The following PHF6 variants were observed in gnomAD, a reference collection of about 807,000 sequenced individuals.
The protein encoded by PHF6 is PHD finger protein 6, also known as PHD-like zinc finger protein.
In PHF6, 7 loss-of-function variants were observed where a neutral mutation model predicts 34.0. The observed-to-expected ratio is 0.21, with a 90% confidence interval of 0.12 to 0.39. The LOEUF (loss-of-function observed/expected upper bound fraction) is 0.39, where lower values mean the gene tolerates loss of function less well. Among genes scored for constraint, PHF6 ranks in the 10% least tolerant of loss-of-function variants. The probability of loss-of-function intolerance (pLI) is 1.00; values close to 1 mark genes in which losing one functional copy is unlikely to be tolerated. For synonymous variants in PHF6, 89 were observed against 88.4 expected (o/e 1.01, Z -0.04); for missense variants, 128 against 262.8 (o/e 0.49, Z 3.55).
At chrX:134,380,149 C>CTTT (rs749900020) in intron 3 of PHF6, among the ~76,000 whole-genome samples, 1 of 96,321 alleles carries the variant, frequency 1.0e-5, no homozygotes, top group Non-Finnish European at 2.1e-5. Context: ...TTATTTGGAC[C>CTTT]TTTTTTTTTT....
intron 1 of PHF6, among the ~76,000 whole-genome samples, chrX:134,376,026 T>C (rs1434507514): frequency 2.7e-5 from 3 of 112,032 alleles, no homozygotes; most frequent in African/African-American, 9.7e-5. Context: ...AAATTATAGA[T>C]AGCATTAAGA....
chrX:134,408,088 C>T lies in PHF6; in HGVS notation c.419-5403C>T, dbSNP rs181748629. ...GATTGCAGGCATGTACCACCACACC[C>T]GGCTAATTTTTGTATTTTTAGTAGA... is the stretch of plus-strand genomic sequence containing the variant. On this transcript the variant is annotated intron_variant, in intron 5 of 10. Transcript: ENST00000370803. Among the ~76,000 whole-genome samples, 721 of 111,226 alleles carry T rather than the reference C, an allele frequency of 6.5e-3. 5 individuals are homozygous for T. Among genetic ancestry groups the T allele is most frequent in the Non-Finnish European group, 8.9e-3 (469 of 52,968 alleles).
chrX:134,388,374 T>C (rs2077340323), intron 3 of PHF6, among the ~76,000 whole-genome samples: 1 of 111,880 alleles, frequency 8.9e-6, no homozygotes, highest in African/African-American at 3.2e-5. Context: ...GCAAATATCC[T>C]CAGTACAGCG....
chrX:134,406,062 T>TTTTCTTTCTTTC (rs775639514), intron 5 of PHF6, among the ~76,000 whole-genome samples: 7,214 of 77,937 alleles, frequency 0.093, 429 homozygotes, highest in Non-Finnish European at 0.11. Context: ...TCCTTTTTCT[T>TTTTCTTTCTTTC]TTTCTTTCTT....
chrX:134,384,938 A>G (rs2077325388), intron 3 of PHF6, among the ~76,000 whole-genome samples: 1 of 111,803 alleles, frequency 8.9e-6, no homozygotes, highest in Non-Finnish European at 1.9e-5. Context: ...GGCGTGAGCC[A>G]CTGCGCCCAG....
chrX:134,407,913 G>T (rs2077432339), intron 5 of PHF6, among the ~76,000 whole-genome samples: 1 of 111,369 alleles, frequency 9.0e-6, no homozygotes, highest in South Asian at 3.9e-4. Flanking sequence ...GAAGTAGAAG[G>T]TGAAAGGAAG....
At position 134,413,609 on chromosome X, in the gene PHF6, C is replaced by T. The variant is rs776473521; in HGVS notation, c.537C>T (p.Thr179=). 1 of 1,211,021 alleles carries T rather than the reference C, an allele frequency of 8.3e-7. No homozygotes were observed. The highest frequency in any genetic ancestry group is 1.1e-6 in the Non-Finnish European group (1 of 895,118). Residue 179 remains threonine, a synonymous_variant, in exon 6 of 11, where the codon ACC becomes ACT. Transcript: ENST00000370803. ...KTNFKGLSED[T]RSTSSHGTDE... ...ATTTTAAAGGGCTGTCAGAAGATAC[C>T]AGGTCCACATCCTCCCATGGAACAG...
chrX:134,379,432 C>CTTTTTTTTTTTTTTTTTTTTTTTTTTT (rs34099570), intron 3 of PHF6, among the ~76,000 whole-genome samples: 2 of 26,276 alleles, frequency 7.6e-5, no homozygotes, highest in Non-Finnish European at 1.1e-4. Flanking sequence ...CTTTTCTTTT[C>CTTTTTTTTTTTTTTTTTTTTTTTTTTT]TTTTTTTTTT....
intron 3 of PHF6, among the ~76,000 whole-genome samples, chrX:134,379,885 T>G (rs1483844307): frequency 8.9e-6 from 1 of 112,239 alleles, no homozygotes; most frequent in Non-Finnish European, 1.9e-5. Flanking sequence ...AGAATGATAC[T>G]TACTTGAAAG....
chrX:134,383,005 G>A (rs1479551853), intron 3 of PHF6, among the ~76,000 whole-genome samples: 1 of 110,471 alleles, frequency 9.1e-6, no homozygotes, highest in African/African-American at 3.3e-5. Context: ...TGCTTTGGGA[G>A]GCCGACTGGG....
chrX:134,374,709 G>T (rs188215978), intron 1 of PHF6, among the ~76,000 whole-genome samples: 69 of 112,536 alleles, frequency 6.1e-4, no homozygotes, highest in African/African-American at 2.1e-3. Context: ...CTACCTTGGT[G>T]CTTCGCAGCA....
rs776651202 is a variant in PHF6, at chrX:134,422,844, A to G, written c.969-2357A>G. On this transcript the variant is annotated intron_variant, in intron 9 of 10. Coordinates refer to ENST00000370803, the MANE Select transcript of PHF6 (RefSeq NM_001015877.2). ...GAAGGCCATATAAGGGCCTATGGGA[A>G]ATATTCTGCAAGTAAAAAATAATCC... Among the ~76,000 whole-genome samples the G allele has an allele frequency of 1.3e-4, 14 of 111,658 alleles. No individual in the cohort carries two copies. The Admixed American group carries it at 1.3e-3, about 11-fold the overall frequency.
At chrX:134,393,813 A>G (rs926570749) in intron 4 of PHF6, 96 bp from the exon 5 acceptor site, 4 of 836,435 alleles carry the variant, frequency 4.8e-6, no homozygotes, top group Non-Finnish European at 7.1e-6. Context: ...GAATCCAGCT[A>G]GTGAATTGGG....
intron 9 of PHF6, among the ~76,000 whole-genome samples, chrX:134,421,563 T>A (rs897517229): frequency 1.8e-5 from 2 of 111,696 alleles, no homozygotes; most frequent in African/African-American, 6.5e-5. Flanking sequence ...TTTTAGATGA[T>A]TTTATTATAA....
chrX:134,425,155 C>T, intron 9 of PHF6, 46 bp from the exon 10 acceptor site: 1 of 1,200,765 alleles, frequency 8.3e-7, no homozygotes, highest in Non-Finnish European at 1.1e-6. Context: ...GAATGTTCAT[C>T]AGCAGTGACA....
At chrX:134,416,529 T>A (rs2077473070) in intron 8 of PHF6, among the ~76,000 whole-genome samples, 1 of 111,469 alleles carries the variant, frequency 9.0e-6, no homozygotes, top group Non-Finnish European at 1.9e-5. Flanking sequence ...TAGATTTCAA[T>A]AAACTTGAAA....
At chrX:134,381,099 T>C (rs1008811509) in intron 3 of PHF6, among the ~76,000 whole-genome samples, 2 of 111,331 alleles carry the variant, frequency 1.8e-5, no homozygotes, top group Non-Finnish European at 3.8e-5. Flanking sequence ...TGAGACCGTC[T>C]GTCCGCCTCG....
rs1412509106 is a variant in PHF6 at position 134,419,863 on chromosome X, C to T, written c.968+2561C>T. On this transcript the variant is annotated intron_variant, in intron 9 of 10. Coordinates refer to ENST00000370803, the MANE Select transcript of PHF6 (RefSeq NM_001015877.2). ...TACTAGCATGACTTTTAACATTCTT[C>T]TAGAGGGTTAAGCTGATGCAAGACA... is the stretch of plus-strand genomic sequence containing the variant. 3.6e-5 allele frequency: 4 copies of T among 111,971 alleles called. No individual in the cohort carries two copies. The East Asian group carries it at 1.1e-3, about 31-fold the overall frequency. The allele number at this position is 111,971 out of a possible 1,213,427, so 9.2% of individuals were successfully genotyped here.
chrX:134,416,614 A>G lies in PHF6; in HGVS notation c.835-555A>G, dbSNP rs191829954. Reference sequence around the variant, plus strand: ...TGCAATAAAGTGATCTGCTTAACCTATCCTTTCTCAAACTTATTTGACTTG... The same window carrying G: ...TGCAATAAAGTGATCTGCTTAACCTGTCCTTTCTCAAACTTATTTGACTTG... On this transcript the variant is annotated intron_variant, in intron 8 of 10. Transcript: ENST00000370803. Among the ~76,000 whole-genome samples the G allele has an allele frequency of 4.0e-3, 447 of 111,886 alleles. 3 individuals are homozygous for G. Among genetic ancestry groups the G allele is most frequent in the African/African-American group, 0.012 (357 of 30,842 alleles).
Sources: gnomAD v4.1 joint callset for allele counts (sites outside exome capture counted in the v4.1 genomes callset) on GRCh38, gnomAD v4.1.1 for gene constraint, MANE v1.5 for transcripts, NCBI Gene and HGNC (gene_info 2026-07-23, HGNC 2026-07-21) for gene names.